The following PLXDC2 variants were observed in gnomAD, a reference collection of about 807,000 sequenced individuals.
PLXDC2 encodes the protein plexin domain containing 2, also known as plexin domain-containing protein 2.
PLXDC2 carries 40 observed loss-of-function variants against 68.9 expected under a neutral mutation model. That is an observed-to-expected ratio of 0.58 (90% CI 0.45 to 0.76). PLXDC2 has a LOEUF of 0.76. Among genes scored for constraint, PLXDC2 ranks in the 30% least tolerant of loss-of-function variants. PLXDC2 has a pLI of 0.00. For synonymous variants in PLXDC2, 243 were observed against 234.2 expected (o/e 1.04, Z -0.34); for missense variants, 644 against 661.9 (o/e 0.97, Z 0.30).
chr10:20,126,065 TA>T (rs1833770398), intron 4 of PLXDC2, among the ~76,000 whole-genome samples: 1 of 148,026 alleles, frequency 6.8e-6, no homozygotes, highest in Non-Finnish European at 1.5e-5. Context: ...TATATACACA[TA>T]TTTAATAGTA....
Position 20,145,232 on chromosome 10 carries a change from T to C in PLXDC2, c.664+1815T>C, listed in dbSNP as rs117228606. The stretch of plus-strand genomic sequence containing the variant: ...ATCTTCTGTGTAATGACTTATTCCA[T>C]AGGAATCAAATATTGAGGAATATTG... On this transcript the variant is annotated intron_variant, in intron 5 of 13. Coordinates refer to ENST00000377252, the MANE Select transcript of PLXDC2 (RefSeq NM_032812.9). Among the ~76,000 whole-genome samples the C allele has an allele frequency of 6.7e-3, 1,022 of 152,324 alleles. 10 individuals carry two copies. The highest frequency in any genetic ancestry group is 8.6e-3 in the Non-Finnish European group (588 of 68,024).
chr10:19,923,003 C>G (rs60286973), intron 1 of PLXDC2, among the ~76,000 whole-genome samples: 3,594 of 152,094 alleles, frequency 0.024, 138 homozygotes, highest in African/African-American at 0.082. Context: ...ATCTATCTAT[C>G]TCTTTATATG....
At chr10:20,097,646 C>T (rs1261929638) in intron 4 of PLXDC2, among the ~76,000 whole-genome samples, 1 of 151,972 alleles carries the variant, frequency 6.6e-6, no homozygotes, top group Non-Finnish European at 1.5e-5. Context: ...ATATCAACAA[C>T]TTATACTGTA....
chr10:20,280,062 T>A lies in PLXDC2; in HGVS notation c.*243T>A, dbSNP rs1028453715. 6.9e-6 allele frequency: 3 copies of A among 433,498 alleles called. No homozygotes were observed. In the Admixed American group the frequency reaches 1.2e-4, roughly 17 times the overall value. 26.9% of individuals were successfully genotyped at this position (433,498 alleles called of 1,614,324 possible). On this transcript the variant is annotated 3_prime_UTR_variant, in exon 14 of 14. Transcript: ENST00000377252. ...TTCCCTAGTGGAATGTCATCTATAGTTCACTCGGAACATCTCCCGTGGACT... is the reference window on the plus strand; with the variant it reads ...TTCCCTAGTGGAATGTCATCTATAGATCACTCGGAACATCTCCCGTGGACT...
intron 2 of PLXDC2, among the ~76,000 whole-genome samples, chr10:20,028,092 G>A (rs550517454): frequency 6.6e-6 from 1 of 152,226 alleles, no homozygotes; most frequent in South Asian, 2.1e-4. Context: ...TCTTGGCTTG[G>A]GCATGGTCAT....
chr10:19,945,801 A>G (rs1048352792), intron 1 of PLXDC2, among the ~76,000 whole-genome samples: 1 of 152,142 alleles, frequency 6.6e-6, no homozygotes, highest in Admixed American at 6.5e-5. Flanking sequence ...AACTCCAACA[A>G]ACTACTTTCA....
chr10:20,247,629 G>A (rs1490471266), intron 13 of PLXDC2, among the ~76,000 whole-genome samples: 1 of 152,148 alleles, frequency 6.6e-6, no homozygotes, highest in East Asian at 1.9e-4. Flanking sequence ...TCTATCTGCA[G>A]GGATACACCC....
intron 1 of PLXDC2, among the ~76,000 whole-genome samples, chr10:19,915,855 C>G (rs1452379568): frequency 7.8e-6 from 1 of 127,958 alleles, no homozygotes; most frequent in Non-Finnish European, 1.7e-5. Context: ...CATGTTAAAC[C>G]AAAAAAAAAG....
chr10:19,922,558 T>A (rs1833477255), intron 1 of PLXDC2, among the ~76,000 whole-genome samples: 1 of 152,138 alleles, frequency 6.6e-6, no homozygotes, highest in Non-Finnish European at 1.5e-5. Context: ...GTTGGAGGCT[T>A]CATTTGTGAC....
intron 2 of PLXDC2, among the ~76,000 whole-genome samples, chr10:20,022,222 A>G (rs796769937): frequency 3.9e-5 from 6 of 152,342 alleles, no homozygotes; most frequent in African/African-American, 1.4e-4. Flanking sequence ...CTATTTATTC[A>G]TTCAACAGCT....
Position 20,046,859 on chromosome 10 carries a change from A to G in PLXDC2, c.325-10A>G. ...CGGTTCTTGATATACATTATTATCT[A>G]TTATTGCAGGAGGATACAGACCACA... On this transcript the variant is annotated splice_polypyrimidine_tract_variant and intron_variant, in intron 2 of 13. Transcript: ENST00000377252. The G allele has an allele frequency of 1.9e-6, 3 of 1,593,822 alleles. No individual in the cohort carries two copies. The highest frequency in any genetic ancestry group is 1.7e-6 in the Non-Finnish European group (2 of 1,172,602).
chr10:19,826,654 C>T (rs952928337), intron 1 of PLXDC2, among the ~76,000 whole-genome samples: 3 of 152,106 alleles, frequency 2.0e-5, no homozygotes, highest in Non-Finnish European at 4.4e-5. Flanking sequence ...GTTAAACTAG[C>T]ATAGGATATT....
intron 2 of PLXDC2, among the ~76,000 whole-genome samples, chr10:20,009,467 C>G (rs1440431242): frequency 6.6e-6 from 1 of 151,850 alleles, no homozygotes; most frequent in Non-Finnish European, 1.5e-5. Context: ...AAAGGGAAGG[C>G]AAAGATTAAT....
intron 1 of PLXDC2, among the ~76,000 whole-genome samples, chr10:19,939,530 A>G (rs1301242749): frequency 1.3e-5 from 2 of 152,222 alleles, no homozygotes; most frequent in African/African-American, 2.4e-5. Flanking sequence ...TAGCAGCTCT[A>G]GGATTTATCT....
intron 9 of PLXDC2, among the ~76,000 whole-genome samples, chr10:20,189,004 A>G (rs961745172): frequency 3.8e-5 from 5 of 130,900 alleles, no homozygotes; most frequent in South Asian, 4.6e-4. Flanking sequence ...ACCTTTTATA[A>G]TCAGTTTTTT....
intron 2 of PLXDC2, among the ~76,000 whole-genome samples, chr10:20,026,191 C>T (rs1215890947): frequency 1.5e-5 from 2 of 137,904 alleles, no homozygotes; most frequent in African/African-American, 2.5e-5. Flanking sequence ...CTATGTTCTC[C>T]ACTAAACTAT....
intron 1 of PLXDC2, among the ~76,000 whole-genome samples, chr10:19,943,989 C>T (rs927658311): frequency 6.6e-6 from 1 of 152,190 alleles, no homozygotes; most frequent in Non-Finnish European, 1.5e-5. Context: ...TTACTACTTT[C>T]CTCTAAAAAC....
chr10:20,121,133 A>G (rs1050451567), intron 4 of PLXDC2, among the ~76,000 whole-genome samples: 1 of 152,316 alleles, frequency 6.6e-6, no homozygotes, highest in East Asian at 1.9e-4. Context: ...AGCAGAAAGT[A>G]TATGTGTCAG....
intron 1 of PLXDC2, among the ~76,000 whole-genome samples, chr10:19,927,713 CAAA>C (rs35250324): frequency 1.3e-4 from 7 of 53,144 alleles, no homozygotes; most frequent in African/African-American, 2.4e-4. Flanking sequence ...GGAAAAAAAG[CAAA>C]AAAAAAAAAA....
Sources: gnomAD v4.1 joint callset for allele counts (sites outside exome capture counted in the v4.1 genomes callset) on GRCh38, gnomAD v4.1.1 for gene constraint, MANE v1.5 for transcripts, NCBI Gene and HGNC (gene_info 2026-07-23, HGNC 2026-07-21) for gene names.